EPSTI1: variants seen among roughly 807,000 people sequenced by gnomAD.
EPSTI1 encodes the protein epithelial-stromal interaction protein 1.
Under a neutral mutation model 49.9 loss-of-function variants are expected in EPSTI1, and 66 were observed. The ratio of observed to expected loss-of-function variants is 1.32; its 90% confidence interval spans 1.08 to 1.62. EPSTI1 has a LOEUF of 1.62. Ranked by LOEUF, EPSTI1 falls within the 40% of genes most tolerant of loss-of-function variation. The pLI is 0.00. For missense variants in EPSTI1, 394 were observed against 365.5 expected (o/e 1.08, Z -0.64); for synonymous variants, 137 against 130.7 (o/e 1.05, Z -0.33).
intron 7 of EPSTI1, among the ~76,000 whole-genome samples, chr13:42,924,142 G>T (rs1045388723): frequency 4.6e-5 from 7 of 152,212 alleles, no homozygotes; most frequent in Non-Finnish European, 7.3e-5. Context: ...ATTCTCAGAA[G>T]AATTCTATGC....
At chr13:42,929,258 C>G (rs908194975) in intron 6 of EPSTI1, among the ~76,000 whole-genome samples, 7 of 152,192 alleles carry the variant, frequency 4.6e-5, no homozygotes, top group Non-Finnish European at 7.3e-5. Flanking sequence ...ACAAGGTCAT[C>G]ATGCAATCTA....
At chr13:42,915,723 G>A (rs916741530) in intron 8 of EPSTI1, among the ~76,000 whole-genome samples, 17 of 152,084 alleles carry the variant, frequency 1.1e-4, no homozygotes, top group Admixed American at 6.5e-5. Flanking sequence ...TAAGTTAAAC[G>A]AAATAATTTA....
intron 5 of EPSTI1, among the ~76,000 whole-genome samples, chr13:42,962,553 T>C (rs982061170): frequency 1.3e-5 from 2 of 151,138 alleles, no homozygotes; most frequent in African/African-American, 4.9e-5. Flanking sequence ...GTGGATCCCT[T>C]GAGCCCAAGA....
chr13:42,947,986 C>T (rs1250868983), intron 6 of EPSTI1, among the ~76,000 whole-genome samples: 1 of 152,222 alleles, frequency 6.6e-6, no homozygotes, highest in Non-Finnish European at 1.5e-5. Context: ...CCCGGTCCTG[C>T]TGGGTTTCAG....
At chr13:42,985,515 G>A (rs1231785743) in intron 1 of EPSTI1, among the ~76,000 whole-genome samples, 2 of 152,156 alleles carry the variant, frequency 1.3e-5, no homozygotes, top group Non-Finnish European at 2.9e-5. Flanking sequence ...TGACACAAGT[G>A]ACCTCATTTT....
intron 9 of EPSTI1, among the ~76,000 whole-genome samples, chr13:42,895,847 A>C (rs1308880232): frequency 6.6e-6 from 1 of 152,224 alleles, no homozygotes; most frequent in Non-Finnish European, 1.5e-5. Context: ...ATTATTTAGG[A>C]AGTGCAGAAA....
chr13:42,971,653 C>G (rs915612620), intron 1 of EPSTI1, among the ~76,000 whole-genome samples: 1 of 152,206 alleles, frequency 6.6e-6, no homozygotes, highest in Non-Finnish European at 1.5e-5. Flanking sequence ...GGAAGTCTCT[C>G]TCTTCTACCT....
intron 1 of EPSTI1, among the ~76,000 whole-genome samples, chr13:42,978,885 C>G (rs1468310541): frequency 6.6e-6 from 1 of 152,172 alleles, no homozygotes; most frequent in African/African-American, 2.4e-5. Context: ...CATCTTCTTT[C>G]ATAAATATAT....
intron 8 of EPSTI1, among the ~76,000 whole-genome samples, chr13:42,911,399 G>A (rs2037682734): frequency 6.6e-6 from 1 of 152,050 alleles, no homozygotes; most frequent in Admixed American, 6.5e-5. Context: ...GTAAAGCATA[G>A]GGAAAAAAAA....
At chr13:42,898,857 C>G (rs2037272180) in intron 9 of EPSTI1, among the ~76,000 whole-genome samples, 1 of 152,146 alleles carries the variant, frequency 6.6e-6, no homozygotes, top group Non-Finnish European at 1.5e-5. Flanking sequence ...TACTAGCAAT[C>G]AGTTTATAAA....
rs1381528573 is a variant in EPSTI1 at position 42,970,673 on chromosome 13, A to G, written c.189-3T>C. 2 of 1,588,888 alleles carry G rather than the reference A, an allele frequency of 1.3e-6. No homozygotes were observed. Among genetic ancestry groups the G allele is most frequent in the Non-Finnish European group, 1.7e-6 (2 of 1,172,132 alleles). ...CTATCAAGGTGTATGCACTTGTGCT[A>G]AAAGGAAGAGAAAAAAAAATGCTTA... On this transcript the variant is annotated splice_region_variant and splice_polypyrimidine_tract_variant and intron_variant, in intron 1 of 10. Coordinates refer to ENST00000313624, the MANE Select transcript of EPSTI1 (RefSeq NM_033255.5).
At chr13:42,889,791 T>G (rs1249093037) in intron 10 of EPSTI1, among the ~76,000 whole-genome samples, 1 of 152,194 alleles carries the variant, frequency 6.6e-6, no homozygotes, top group African/African-American at 2.4e-5. Flanking sequence ...AATGTAGATA[T>G]AGTTATCTTT....
intron 1 of EPSTI1, 58 bp downstream of exon 1, chr13:42,991,920 A>T: frequency 6.3e-7 from 1 of 1,591,904 alleles, no homozygotes; most frequent in Non-Finnish European, 8.6e-7. Flanking sequence ...GGTGCTTGTG[A>T]GTGAGTATGT....
intron 3 of EPSTI1, among the ~76,000 whole-genome samples, chr13:42,964,854 GT>G (rs1346743917): frequency 6.6e-6 from 1 of 152,184 alleles, no homozygotes; most frequent in African/African-American, 2.4e-5. Context: ...AATTCTCAGT[GT>G]TTATGCAAGC....
At chr13:42,917,312 C>T (rs569592850) in intron 8 of EPSTI1, among the ~76,000 whole-genome samples, 28 of 152,276 alleles carry the variant, frequency 1.8e-4, no homozygotes, top group African/African-American at 6.7e-4. Flanking sequence ...GCACCAACTA[C>T]AGCAGATCCA....
intron 6 of EPSTI1, among the ~76,000 whole-genome samples, chr13:42,941,598 T>G (rs2038750854): frequency 6.8e-6 from 1 of 146,690 alleles, no homozygotes; most frequent in African/African-American, 2.5e-5. Flanking sequence ...CTAGCCTGGG[T>G]GACAGAGCAA....
chr13:42,984,396 A>G (rs1489264471), intron 1 of EPSTI1, among the ~76,000 whole-genome samples: 1 of 152,216 alleles, frequency 6.6e-6, no homozygotes, highest in African/African-American at 2.4e-5. Flanking sequence ...AAACAGTTCT[A>G]ATATGCTCTA....
chr13:42,986,775 C>G (rs1001686453), intron 1 of EPSTI1, among the ~76,000 whole-genome samples: 4 of 137,616 alleles, frequency 2.9e-5, no homozygotes, highest in South Asian at 2.4e-4. Flanking sequence ...AAAAAAACAA[C>G]TTGCAGCCCC....
chr13:42,991,269 G>T, intron 1 of EPSTI1: 1 of 152,500 alleles, frequency 6.6e-6, no homozygotes, highest in Non-Finnish European at 1.5e-5. Context: ...ATTCCGTTTA[G>T]GACACCAAGT....
Sources: allele counts gnomAD v4.1 joint callset (sites outside exome capture counted in the v4.1 genomes callset), GRCh38; gene constraint gnomAD v4.1.1; transcripts MANE v1.5; gene names NCBI Gene and HGNC (gene_info 2026-07-23, HGNC 2026-07-21).